The following SLC44A1 variants were observed in gnomAD, a reference collection of about 807,000 sequenced individuals.
The protein encoded by SLC44A1 is choline transporter-like protein 1.
A neutral mutation model predicts 79.3 loss-of-function variants in SLC44A1; 26 were observed. The observed-to-expected ratio is 0.33, with a 90% confidence interval of 0.24 to 0.46. The LOEUF is 0.46. SLC44A1 is among the 20% of genes least tolerant of loss of function. The pLI is 1.00. For missense variants in SLC44A1, 688 were observed against 798.1 expected, an observed-to-expected ratio of 0.86 and a Z score of 1.66; for synonymous variants, 263 against 286.2, an observed-to-expected ratio of 0.92 and a Z score of 0.82.
intron 15 of SLC44A1, among the ~76,000 whole-genome samples, chr9:105,429,862 A>G (rs1274307995): frequency 2.8e-5 from 4 of 141,198 alleles, no homozygotes; most frequent in Non-Finnish European, 4.4e-5. Flanking sequence ...TTCTTTATGC[A>G]TGTGTATACC....
chr9:105,339,035 A>G (rs1827009154), intron 4 of SLC44A1, among the ~76,000 whole-genome samples: 1 of 152,228 alleles, frequency 6.6e-6, no homozygotes, highest in African/African-American at 2.4e-5. Context: ...GCATTTGGCA[A>G]TAATTTCTTG....
At chr9:105,293,300 T>C (rs1830646408) in intron 1 of SLC44A1, among the ~76,000 whole-genome samples, 1 of 152,250 alleles carries the variant, frequency 6.6e-6, no homozygotes, top group African/African-American at 2.4e-5. Flanking sequence ...GTATTACTTA[T>C]AAGAATTTTT....
At chr9:105,366,295 G>T in intron 11 of SLC44A1, 51 bp from the exon 12 acceptor site, 1 of 947,268 alleles carries the variant, frequency 1.1e-6, no homozygotes, top group South Asian at 2.1e-5. Flanking sequence ...TCTTCTATGT[G>T]ACAGTTTGAT....
At chr9:105,433,531 T>C (rs536784390) in intron 15 of SLC44A1, among the ~76,000 whole-genome samples, 1 of 152,202 alleles carries the variant, frequency 6.6e-6, no homozygotes, top group South Asian at 2.1e-4. Flanking sequence ...AGACAGATCT[T>C]AAGGGAGGAG....
Position 105,383,248 on chromosome 9 carries a change from C to T in SLC44A1, c.1758C>T (p.Phe586=), listed in dbSNP as rs750700470. The T allele has an allele frequency of 8.1e-6, 13 of 1,613,748 alleles. No homozygotes were observed. Among genetic ancestry groups the T allele is most frequent in the African/African-American group, 1.3e-5 (1 of 74,890 alleles). ...CLFAFLVAHC[F]LSIYEMVVDV... ...TTGCTTTCCTAGTCGCTCATTGCTT[C>T]CTGTCTATTTATGAAATGGTAGTGG... The change falls in exon 14 of 16, where the codon TTC becomes TTT. Residue 586 remains phenylalanine (F), a synonymous_variant. Transcript: ENST00000374720.
rs1011614327 is a variant in SLC44A1, at chr9:105,361,418, G to C, written c.900+88G>C. On this transcript the variant is annotated intron_variant, in intron 8 of 15. Transcript: ENST00000374720. ...GAGCAGAAACTCAAATCTAGCTTTT[G>C]CATTCCTAACCCTGATCTCCAGTAG... 3.8e-5 allele frequency: 48 copies of C among 1,271,342 alleles called. No homozygotes were observed. The South Asian group carries it at 6.9e-4, about 18-fold the overall frequency. The allele number at this position is 1,271,342 out of a possible 1,614,324, so 78.8% of individuals were successfully genotyped here. A position where few individuals can be genotyped will look rare whatever the true frequency, so the allele number is the denominator to read the frequency against.
chr9:105,310,935 C>T (rs1028822247), intron 3 of SLC44A1, among the ~76,000 whole-genome samples: 3 of 152,284 alleles, frequency 2.0e-5, no homozygotes, highest in East Asian at 1.9e-4. Flanking sequence ...TGTGATACCA[C>T]CCTGTGAGGT....
chr9:105,403,877 C>T (rs1226410255), intron 15 of SLC44A1, among the ~76,000 whole-genome samples: 1 of 151,184 alleles, frequency 6.6e-6, no homozygotes, highest in Non-Finnish European at 1.5e-5. Flanking sequence ...GGGATCAGAT[C>T]TCGAGGGTCT....
intron 1 of SLC44A1, among the ~76,000 whole-genome samples, chr9:105,297,754 G>GT (rs1215169635): frequency 6.6e-6 from 1 of 152,134 alleles, no homozygotes; most frequent in Non-Finnish European, 1.5e-5. Flanking sequence ...CAACACTATG[G>GT]TTTTAGAGGG....
intron 1 of SLC44A1, among the ~76,000 whole-genome samples, chr9:105,277,609 CAA>C (rs1314530596): frequency 2.6e-5 from 4 of 152,120 alleles, no homozygotes; most frequent in Non-Finnish European, 5.9e-5. Flanking sequence ...GAAGCCTCAA[CAA>C]TAATTGAAAA....
chr9:105,361,779 A>T (rs555751017), intron 8 of SLC44A1, among the ~76,000 whole-genome samples: 1 of 152,352 alleles, frequency 6.6e-6, no homozygotes, highest in African/African-American at 2.4e-5. Context: ...GTGGTCAGGT[A>T]CAGTGGCTTA....
chr9:105,310,524 GC>G (rs1247724990), intron 3 of SLC44A1, among the ~76,000 whole-genome samples: 1 of 152,036 alleles, frequency 6.6e-6, no homozygotes, highest in Non-Finnish European at 1.5e-5. Flanking sequence ...ATATATTTAT[GC>G]CCCATGAAAC....
chr9:105,437,972 G>A (rs1829485500), intron 15 of SLC44A1, among the ~76,000 whole-genome samples: 1 of 152,146 alleles, frequency 6.6e-6, no homozygotes, highest in Non-Finnish European at 1.5e-5. Flanking sequence ...TAAGTACTTT[G>A]TATTTACCAA....
chr9:105,423,009 C>T (rs1225207227), intron 15 of SLC44A1, among the ~76,000 whole-genome samples: 1 of 152,100 alleles, frequency 6.6e-6, no homozygotes, highest in South Asian at 2.1e-4. Context: ...ATAGTAGGTA[C>T]TTATTGAATG....
intron 1 of SLC44A1, among the ~76,000 whole-genome samples, chr9:105,296,075 T>C (rs1236897920): frequency 6.6e-6 from 1 of 152,208 alleles, no homozygotes; most frequent in Non-Finnish European, 1.5e-5. Flanking sequence ...GGTAAAAGGA[T>C]ATTTTAATAA....
chr9:105,286,376 A>G (rs1830478457), intron 1 of SLC44A1, among the ~76,000 whole-genome samples: 1 of 152,212 alleles, frequency 6.6e-6, no homozygotes, highest in Non-Finnish European at 1.5e-5. Flanking sequence ...TTTCCTCATC[A>G]GTAAAATGGG....
chr9:105,390,262 G>A lies in SLC44A1; in HGVS notation c.*1206G>A. The A allele has an allele frequency of 9.5e-7, 1 of 1,048,478 alleles. No individual in the cohort carries two copies. Among genetic ancestry groups the A allele is most frequent in the Non-Finnish European group, 1.1e-6 (1 of 871,404 alleles). 64.9% of individuals were successfully genotyped at this position (1,048,478 alleles called of 1,614,324 possible). A position where few individuals can be genotyped will look rare whatever the true frequency, so the allele number is the denominator to read the frequency against. On this transcript the variant is annotated 3_prime_UTR_variant, in exon 16 of 16. Transcript: ENST00000374720. ...CCATTGTTCTGCTTGTTGTAATGGT[G>A]AATGCTTTAAGAAAAAAAAGTGTAA...
intron 7 of SLC44A1, among the ~76,000 whole-genome samples, chr9:105,360,495 C>T (rs533414280): frequency 1.2e-4 from 18 of 152,228 alleles, no homozygotes; most frequent in African/African-American, 4.3e-4. Context: ...GGTGCTGTAG[C>T]ATTCAAAATG....
intron 15 of SLC44A1, among the ~76,000 whole-genome samples, chr9:105,427,464 G>A (rs557092633): frequency 6.6e-6 from 1 of 152,044 alleles, no homozygotes; most frequent in Admixed American, 6.6e-5. Flanking sequence ...TATAGAGACA[G>A]AGGTCTCACT....
Sources: allele counts gnomAD v4.1 joint callset (sites outside exome capture counted in the v4.1 genomes callset), GRCh38; gene constraint gnomAD v4.1.1; transcripts MANE v1.5; gene names NCBI Gene and HGNC (gene_info 2026-07-23, HGNC 2026-07-21).